Variants in FBXL13 observed in about 807,000 individuals in gnomAD.
The protein encoded by FBXL13 is F-box and leucine rich repeat protein 13.
FBXL13 carries 67 observed loss-of-function variants against 83.6 expected under a neutral mutation model. That is an observed-to-expected ratio of 0.80 (90% CI 0.66 to 0.98). The LOEUF is 0.98. Ranked by LOEUF, FBXL13 falls within the 50% of genes least tolerant of loss-of-function variation. FBXL13 has a pLI of 0.00. For synonymous variants in FBXL13, 272 were observed against 299.5 expected, an observed-to-expected ratio of 0.91 and a Z score of 0.95; for missense variants, 822 against 866.5, an observed-to-expected ratio of 0.95 and a Z score of 0.64.
intron 10 of FBXL13, among the ~76,000 whole-genome samples, chr7:102,915,735 A>C (rs1447267346): frequency 1.8e-5 from 2 of 110,930 alleles, no homozygotes; most frequent in Non-Finnish European, 3.4e-5. Flanking sequence ...CCAAATAAAA[A>C]AACATTTATG....
chr7:103,068,255 G>A (rs943292266), intron 1 of FBXL13, among the ~76,000 whole-genome samples: 6 of 152,166 alleles, frequency 3.9e-5, no homozygotes, highest in African/African-American at 1.4e-4. Context: ...ATAGAGATTG[G>A]TACATAATGA....
chr7:103,024,279 C>A (rs1793593116), intron 6 of FBXL13, among the ~76,000 whole-genome samples: 1 of 151,862 alleles, frequency 6.6e-6, no homozygotes, highest in African/African-American at 2.4e-5. Context: ...GTAATCCCAG[C>A]ACTTTGGGAG....
At chr7:103,060,051 TATATATATATATAC>T (rs1797742437) in intron 1 of FBXL13, among the ~76,000 whole-genome samples, 6 of 110,692 alleles carry the variant, frequency 5.4e-5, no homozygotes, top group African/African-American at 2.1e-4. Flanking sequence ...TATATATATA[TATATATATATATAC>T]TTTTTTTTTT....
intron 6 of FBXL13, among the ~76,000 whole-genome samples, chr7:103,023,833 C>T (rs780848339): frequency 1.3e-5 from 2 of 152,086 alleles, no homozygotes; most frequent in African/African-American, 2.4e-5. Context: ...GCAACATGGA[C>T]GGAGTTGGAG....
chr7:103,039,311 A>C (rs909145130), intron 2 of FBXL13, among the ~76,000 whole-genome samples: 7 of 152,202 alleles, frequency 4.6e-5, no homozygotes, highest in Middle Eastern at 3.2e-3. Flanking sequence ...TCCAAGAAAT[A>C]TGGGACTAGG....
intron 6 of FBXL13, among the ~76,000 whole-genome samples, chr7:103,015,068 C>A (rs890914816): frequency 6.6e-6 from 1 of 151,842 alleles, no homozygotes; most frequent in East Asian, 1.9e-4. Flanking sequence ...ATGTGATACA[C>A]CACAAAAACA....
intron 2 of FBXL13, among the ~76,000 whole-genome samples, chr7:103,034,484 T>A (rs1794868061): frequency 6.6e-6 from 1 of 152,198 alleles, no homozygotes; most frequent in Non-Finnish European, 1.5e-5. Flanking sequence ...TGGGGCCGGC[T>A]GGCCGCTCTG....
chr7:102,981,038 C>T (rs1477060619), intron 6 of FBXL13, among the ~76,000 whole-genome samples: 1 of 152,076 alleles, frequency 6.6e-6, no homozygotes, highest in Non-Finnish European at 1.5e-5. Flanking sequence ...GCCAACAAGC[C>T]TTGGAAAGGT....
At chr7:103,030,855 C>T (rs926511517) in intron 2 of FBXL13, among the ~76,000 whole-genome samples, 4 of 151,744 alleles carry the variant, frequency 2.6e-5, no homozygotes, top group Non-Finnish European at 4.4e-5. Flanking sequence ...TATAATACAC[C>T]AGAATTTTTG....
chr7:103,016,772 TG>T (rs1792392679), intron 6 of FBXL13, among the ~76,000 whole-genome samples: 1 of 152,006 alleles, frequency 6.6e-6, no homozygotes, highest in Non-Finnish European at 1.5e-5. Context: ...GCAGTGAGAC[TG>T]GGGGAGGGGC....
intron 2 of FBXL13, among the ~76,000 whole-genome samples, chr7:103,041,188 C>T (rs1314337949): frequency 6.6e-6 from 1 of 152,178 alleles, no homozygotes; most frequent in Non-Finnish European, 1.5e-5. Flanking sequence ...TCAGAGAATA[C>T]TGTAAACACC....
At chr7:102,955,068 T>C (rs200633296) in intron 8 of FBXL13, among the ~76,000 whole-genome samples, 2 of 152,074 alleles carry the variant, frequency 1.3e-5, no homozygotes, top group African/African-American at 4.8e-5. Context: ...GAACTCTCCA[T>C]CCCAAATCAA....
At chr7:103,064,792 T>C (rs1798237162) in intron 1 of FBXL13, among the ~76,000 whole-genome samples, 1 of 152,188 alleles carries the variant, frequency 6.6e-6, no homozygotes, top group Non-Finnish European at 1.5e-5. Context: ...CCTGGTTCTC[T>C]CTGGGGAGGT....
chr7:103,044,315 T>C (rs1796055524), intron 2 of FBXL13, among the ~76,000 whole-genome samples: 1 of 152,232 alleles, frequency 6.6e-6, no homozygotes, highest in Non-Finnish European at 1.5e-5. Context: ...GTGCAATATG[T>C]AGACTCTGTA....
chr7:102,868,238 T>C (rs1163701622), intron 16 of FBXL13, among the ~76,000 whole-genome samples: 1 of 152,182 alleles, frequency 6.6e-6, no homozygotes, highest in Non-Finnish European at 1.5e-5. Flanking sequence ...TGCTGTGCAA[T>C]AGAACACTAG....
intron 11 of FBXL13, among the ~76,000 whole-genome samples, chr7:102,892,813 A>G (rs775965370): frequency 2.0e-5 from 3 of 152,192 alleles, no homozygotes; most frequent in Non-Finnish European, 4.4e-5. Flanking sequence ...TGAGGATATT[A>G]ATGTCTATCA....
chr7:102,917,556 A>T (rs12113586), intron 10 of FBXL13, among the ~76,000 whole-genome samples: 1 of 152,182 alleles, frequency 6.6e-6, no homozygotes, highest in Non-Finnish European at 1.5e-5. Context: ...AGCCATGAGA[A>T]GGAGAAAGGC....
chr7:102,986,017 G>GCC (rs112694559), intron 6 of FBXL13, among the ~76,000 whole-genome samples: 1,778 of 147,860 alleles, frequency 0.012, 18 homozygotes, highest in African/African-American at 0.021. Flanking sequence ...CTGGCACGAT[G>GCC]CCCCCCCCCC....
chr7:102,902,217 G>C (rs1021381701), intron 11 of FBXL13, among the ~76,000 whole-genome samples: 1 of 152,050 alleles, frequency 6.6e-6, no homozygotes. Context: ...ATGCCTGTTT[G>C]CCATTTGTAT....
Sources: gnomAD v4.1 joint callset for allele counts (sites outside exome capture counted in the v4.1 genomes callset) on GRCh38, gnomAD v4.1.1 for gene constraint, MANE v1.5 for transcripts, NCBI Gene and HGNC (gene_info 2026-07-23, HGNC 2026-07-21) for gene names.